The following SH3PXD2A variants were observed in gnomAD, a reference collection of about 807,000 sequenced individuals.
SH3PXD2A encodes the protein SH3 and PX domains 2A.
In SH3PXD2A, 32 loss-of-function variants were observed where a neutral mutation model predicts 115.2. The ratio of observed to expected loss-of-function variants is 0.28; its 90% CI spans 0.21 to 0.37. The LOEUF is 0.37. Ranked by LOEUF, SH3PXD2A falls within the 10% of genes least tolerant of loss-of-function variation. The pLI is 1.00. For missense variants in SH3PXD2A, 1,328 were observed against 1,498.7 expected (o/e 0.89, Z 1.88); for synonymous variants, 610 against 629.1 (o/e 0.97, Z 0.45).
At chr10:103,661,889 G>A (rs1194594400) in intron 7 of SH3PXD2A, 3 of 985,160 alleles carry the variant, frequency 3.0e-6, no homozygotes, top group Admixed American at 1.2e-4. Context: ...CGCGCCAGCG[G>A]CTGGCGAGCC....
chr10:103,761,101 A>G (rs754484252), intron 3 of SH3PXD2A, among the ~76,000 whole-genome samples: 8 of 152,200 alleles, frequency 5.3e-5, no homozygotes, highest in Non-Finnish European at 1.5e-5. Flanking sequence ...CTTCCTAAAG[A>G]CCAGCTGACA....
intron 1 of SH3PXD2A, among the ~76,000 whole-genome samples, chr10:103,827,330 C>T (rs2039440210): frequency 6.6e-6 from 1 of 152,164 alleles, no homozygotes; most frequent in Non-Finnish European, 1.5e-5. Flanking sequence ...CTCCTTTCTC[C>T]CTTCTCACCT....
intron 5 of SH3PXD2A, among the ~76,000 whole-genome samples, chr10:103,716,365 C>T (rs1014870887): frequency 2.3e-4 from 35 of 152,184 alleles, no homozygotes; most frequent in Non-Finnish European, 4.3e-4. Flanking sequence ...CTGGCCTGGC[C>T]TCAGTCCATC....
At chr10:103,684,256 G>C (rs1412887130) in intron 6 of SH3PXD2A, among the ~76,000 whole-genome samples, 1 of 152,158 alleles carries the variant, frequency 6.6e-6, no homozygotes, top group African/African-American at 2.4e-5. Context: ...CTGACCAGCA[G>C]AAGACCAGGT....
chr10:103,681,929 T>C (rs1172295657), intron 6 of SH3PXD2A, among the ~76,000 whole-genome samples: 2 of 151,992 alleles, frequency 1.3e-5, no homozygotes, highest in African/African-American at 4.8e-5. Context: ...AATGAAAAAA[T>C]GCAGATACCT....
intron 11 of SH3PXD2A, among the ~76,000 whole-genome samples, chr10:103,614,803 C>T (rs956314428): frequency 5.6e-5 from 8 of 142,080 alleles, no homozygotes; most frequent in African/African-American, 1.0e-4. Flanking sequence ...TGTTCTTGGG[C>T]GCTCATTAGG....
chr10:103,649,895 A>T (rs1210562643), intron 8 of SH3PXD2A, among the ~76,000 whole-genome samples: 2 of 152,154 alleles, frequency 1.3e-5, no homozygotes, highest in African/African-American at 4.8e-5. Flanking sequence ...GAGCCTCTGG[A>T]CCTGAGGGGG....
At chr10:103,797,536 A>G (rs969311047) in intron 2 of SH3PXD2A, among the ~76,000 whole-genome samples, 2 of 152,074 alleles carry the variant, frequency 1.3e-5, no homozygotes, top group Non-Finnish European at 2.9e-5. Context: ...ACCTTCTCCA[A>G]GGACAAGCCT....
intron 7 of SH3PXD2A, chr10:103,661,684 G>A: frequency 1.0e-6 from 1 of 985,186 alleles, no homozygotes; most frequent in Non-Finnish European, 1.2e-6. Context: ...AGGGAGAGGA[G>A]AGAGCGGGAG....
intron 1 of SH3PXD2A, among the ~76,000 whole-genome samples, chr10:103,830,086 CA>C (rs2039469932): frequency 6.6e-6 from 1 of 152,192 alleles, no homozygotes; most frequent in South Asian, 2.1e-4. Context: ...GTGAGGCTTC[CA>C]GGCCCTGAGC....
rs143087904 is a variant in SH3PXD2A at position 103,718,137 on chromosome 10, C to T, written c.398+6133G>A. On this transcript the variant is annotated intron_variant, in intron 5 of 14. Coordinates refer to ENST00000369774, the MANE Select transcript of SH3PXD2A (RefSeq NM_001394015.1). The stretch of plus-strand genomic sequence containing the variant: ...CCTCCTGCCTCAGCCTCCTGAGTAG[C>T]GGGGACCACAGGCGTGTGCCACCAT... Among the ~76,000 whole-genome samples the T allele has an allele frequency of 1.7e-3, 260 of 152,128 alleles. 2 individuals are homozygous for T. The highest frequency in any genetic ancestry group is 6.6e-3 in the East Asian group (34 of 5,174).
At position 103,602,371 on chromosome 10, in the gene SH3PXD2A, G is replaced by C. The variant is rs889168754; in HGVS notation, c.2847C>G (p.Ile949Met). 3 of 1,613,850 alleles carry C rather than the reference G, an allele frequency of 1.9e-6. No homozygotes were observed. Among genetic ancestry groups the C allele is most frequent in the Non-Finnish European group, 2.5e-6 (3 of 1,179,916 alleles). The change falls in exon 15 of 15, where the codon ATC (isoleucine) becomes ATG (methionine). Residue 949 changes from isoleucine to methionine, a missense_variant. Physicochemically the swap from Ile to Met is conservative, Grantham distance 10. Transcript: ENST00000369774. ...CGAAGCCCCCGGGAGGTTTGGAGGG[G>C]ATGGGGGGCGTGGCCTTCTTGCTCT... ...VNQSKKATPP[I>M]PSKPPGGFGK...
At chr10:103,760,876 A>AT (rs994123217) in intron 3 of SH3PXD2A, among the ~76,000 whole-genome samples, 2 of 152,006 alleles carry the variant, frequency 1.3e-5, no homozygotes, top group African/African-American at 4.8e-5. Context: ...TTAAAAGAAT[A>AT]TTTTTTTTAA....
chr10:103,763,888 C>T (rs1300217685), intron 3 of SH3PXD2A, among the ~76,000 whole-genome samples: 1 of 152,216 alleles, frequency 6.6e-6, no homozygotes, highest in African/African-American at 2.4e-5. Flanking sequence ...CATTCACCCT[C>T]CAGAGCTCCC....
intron 1 of SH3PXD2A, among the ~76,000 whole-genome samples, chr10:103,806,623 G>T (rs2039205586): frequency 2.0e-5 from 3 of 152,214 alleles, no homozygotes; most frequent in Admixed American, 2.0e-4. Context: ...CGGCAGCTGG[G>T]TCTCAAGAAA....
intron 5 of SH3PXD2A, among the ~76,000 whole-genome samples, chr10:103,694,279 T>TGGG (rs11394128): frequency 5.5e-5 from 8 of 145,284 alleles, no homozygotes; most frequent in African/African-American, 1.5e-4. Flanking sequence ...AAGGCGGGGT[T>TGGG]GGGGGTTTGG....
At chr10:103,698,632 G>T (rs1189602439) in intron 5 of SH3PXD2A, among the ~76,000 whole-genome samples, 2 of 150,862 alleles carry the variant, frequency 1.3e-5, no homozygotes, top group Non-Finnish European at 3.0e-5. Context: ...GGTACATAAT[G>T]ATTTTGACTG....
intron 2 of SH3PXD2A, among the ~76,000 whole-genome samples, chr10:103,799,443 C>T (rs1342000165): frequency 1.3e-5 from 2 of 152,266 alleles, no homozygotes; most frequent in African/African-American, 4.8e-5. Flanking sequence ...CCCACGTGGA[C>T]AAGCCTGGCC....
chr10:103,645,390 G>T (rs1487521649), intron 8 of SH3PXD2A, among the ~76,000 whole-genome samples: 1 of 152,192 alleles, frequency 6.6e-6, no homozygotes, highest in Non-Finnish European at 1.5e-5. Flanking sequence ...AAATGACTTC[G>T]ACCCACAGCA....
Sources: allele counts gnomAD v4.1 joint callset (sites outside exome capture counted in the v4.1 genomes callset), GRCh38; gene constraint gnomAD v4.1.1; transcripts MANE v1.5; gene names NCBI Gene and HGNC (gene_info 2026-07-23, HGNC 2026-07-21).